Variants in LBHD2 observed in about 807,000 individuals in gnomAD.
The protein encoded by LBHD2 is LBH domain-containing protein 2.
intron 1 of LBHD2, among the ~76,000 whole-genome samples, 199 bp from the exon 2 acceptor site, chr14:103,085,777 C>T (rs1445188969): frequency 1.3e-5 from 2 of 152,242 alleles, no homozygotes; most frequent in Non-Finnish European, 2.9e-5. Flanking sequence ...TGCCCTCTTG[C>T]AGGCACACTG....
At chr14:103,087,298 C>T (rs1410108575) in intron 2 of LBHD2, among the ~76,000 whole-genome samples, 12 of 152,244 alleles carry the variant, frequency 7.9e-5, no homozygotes, top group Admixed American at 7.8e-4. Flanking sequence ...CTAAGTCCCC[C>T]CTGCTGCGTG....
At chr14:103,088,481 A>C (rs562538525) in intron 3 of LBHD2, among the ~76,000 whole-genome samples, 1 of 152,214 alleles carries the variant, frequency 6.6e-6, no homozygotes, top group South Asian at 2.1e-4. Flanking sequence ...ATCCACTCTC[A>C]GCCGCAGGCC....
At chr14:103,086,580 T>C (rs1231357985) in intron 2 of LBHD2, among the ~76,000 whole-genome samples, 1 of 152,084 alleles carries the variant, frequency 6.6e-6, no homozygotes, top group Admixed American at 6.5e-5. Flanking sequence ...TACTTAGCAC[T>C]CCTTCCTGAC....
chr14:103,084,581 C>T (rs1337642693), intron 1 of LBHD2, among the ~76,000 whole-genome samples: 2 of 152,172 alleles, frequency 1.3e-5, no homozygotes, highest in Non-Finnish European at 2.9e-5. Context: ...ACCCTGGCGC[C>T]GGGCAGGGCA....
chr14:103,085,330 G>A (rs1027199211), intron 1 of LBHD2, among the ~76,000 whole-genome samples: 1 of 152,182 alleles, frequency 6.6e-6, no homozygotes, highest in Non-Finnish European at 1.5e-5. Context: ...CACACGGCCC[G>A]AGCGCAGGTG....
intron 1 of LBHD2, among the ~76,000 whole-genome samples, chr14:103,084,804 T>C (rs1424901159): frequency 6.6e-6 from 1 of 152,202 alleles, no homozygotes; most frequent in Non-Finnish European, 1.5e-5. Context: ...CCTCTCCCTC[T>C]GCCTCCTTCC....
intron 3 of LBHD2, among the ~76,000 whole-genome samples, chr14:103,089,188 G>T (rs980130004): frequency 1.3e-5 from 2 of 152,154 alleles, no homozygotes; most frequent in Non-Finnish European, 1.5e-5. Flanking sequence ...AGACCCCTGG[G>T]AGTCTATTCC....
In LBHD2 at chr14:103,089,806, C is replaced by T. The variant is rs78951670; in HGVS notation, c.*9C>T. On this transcript the variant is annotated 3_prime_UTR_variant, in exon 4 of 4. Transcript: ENST00000634353. ...CCCCGGCCCGGGGATAGGACAAGGA[C>T]GTGGCTGGGCTCTGCTGTCTGACTG... is the stretch of plus-strand genomic sequence containing the variant. The T allele has an allele frequency of 1.4e-3, 568 of 398,620 alleles. 7 individuals carry two copies. The East Asian group carries it at 0.019, about 13-fold the overall frequency. 24.7% of individuals were successfully genotyped at this position (398,620 alleles called of 1,614,324 possible).
Position 103,089,814 on chromosome 14 carries a change from G to A in LBHD2, c.*17G>A, listed in dbSNP as rs1889688749. On this transcript the variant is annotated 3_prime_UTR_variant, in exon 4 of 4. Coordinates refer to ENST00000634353, the MANE Select transcript of LBHD2 (RefSeq NM_001330236.2). ...CGGGGATAGGACAAGGACGTGGCTG[G>A]GCTCTGCTGTCTGACTGCTGAGGGC... 6 of 398,598 alleles carry A rather than the reference G, an allele frequency of 1.5e-5. No individual in the cohort carries two copies. The East Asian group carries it at 1.8e-4, about 12-fold the overall frequency. 24.7% of individuals were successfully genotyped at this position (398,598 alleles called of 1,614,324 possible).
At chr14:103,089,669 C>T in intron 3 of LBHD2, 28 bp from the exon 4 acceptor site, 1 of 398,710 alleles carries the variant, frequency 2.5e-6, no homozygotes, top group Non-Finnish European at 4.4e-6. Flanking sequence ...CCCCGCCGAC[C>T]AACACGGCCG....
chr14:103,084,843 G>T (rs1008805500), intron 1 of LBHD2, among the ~76,000 whole-genome samples: 1 of 152,152 alleles, frequency 6.6e-6, no homozygotes, highest in Non-Finnish European at 1.5e-5. Flanking sequence ...TGTCCTGGCT[G>T]CCCTGGACTC....
At chr14:103,086,709 C>T (rs1428875002) in intron 2 of LBHD2, among the ~76,000 whole-genome samples, 2 of 143,886 alleles carry the variant, frequency 1.4e-5, no homozygotes, top group Non-Finnish European at 3.0e-5. Flanking sequence ...GCTGATGAAA[C>T]TAAAAAAAAA....
chr14:103,089,787 C>A lies in LBHD2; in HGVS notation c.317C>A (p.Ala106Asp). The change falls in exon 4 of 4, where the codon GCC becomes GAC. Residue 106 changes from alanine to aspartate, a missense_variant. By Grantham distance (126) the Ala-to-Asp change is moderately radical. Coordinates refer to ENST00000634353, the MANE Select transcript of LBHD2 (RefSeq NM_001330236.2). ...TGCTCCGAGGACCCAGCAGCCCCGGCCCGGGGATAGGACAAGGACGTGGCT... is the reference window on the plus strand; with the variant it reads ...TGCTCCGAGGACCCAGCAGCCCCGGACCGGGGATAGGACAAGGACGTGGCT... ...CACSEDPAAPARG is the reference protein window; with the variant it reads ...CACSEDPAAPDRG 7.5e-6 allele frequency: 3 copies of A among 398,634 alleles called. No individual in the cohort carries two copies. Among genetic ancestry groups the A allele is most frequent in the Non-Finnish European group, 1.3e-5 (3 of 226,060 alleles). 24.7% of individuals were successfully genotyped at this position (398,634 alleles called of 1,614,324 possible).
chr14:103,086,744 G>A (rs530847900), intron 2 of LBHD2, among the ~76,000 whole-genome samples: 2 of 151,998 alleles, frequency 1.3e-5, no homozygotes, highest in South Asian at 4.1e-4. Context: ...ACACAGGGTC[G>A]CAGCCTTAGT....
chr14:103,089,457 C>A (rs548291760), intron 3 of LBHD2, among the ~76,000 whole-genome samples: 1 of 152,140 alleles, frequency 6.6e-6, no homozygotes, highest in Non-Finnish European at 1.5e-5. Flanking sequence ...TGAGTCTGCC[C>A]TGGACTTCCC....
intron 2 of LBHD2, among the ~76,000 whole-genome samples, chr14:103,087,544 G>T (rs945064575): frequency 6.6e-6 from 1 of 152,224 alleles, no homozygotes; most frequent in Non-Finnish European, 1.5e-5. Flanking sequence ...TGAGGGCACC[G>T]GGAAGGCCTG....
chr14:103,088,546 G>A (rs1409939783), intron 3 of LBHD2, among the ~76,000 whole-genome samples: 2 of 152,342 alleles, frequency 1.3e-5, no homozygotes, highest in Middle Eastern at 6.8e-3. Flanking sequence ...CCACATTCTC[G>A]CCCCTCCTTA....
chr14:103,085,926 G>A lies in LBHD2; in HGVS notation c.-37-50G>A, dbSNP rs1595222351. Reference sequence around the variant, plus strand: ...CTTAGCACCTGAAGCCTTCGGGGGAGTGTGGATCCAGCATCAGGCCAACAG... The same window carrying A: ...CTTAGCACCTGAAGCCTTCGGGGGAATGTGGATCCAGCATCAGGCCAACAG... On this transcript the variant is annotated intron_variant, in intron 1 of 3. Transcript: ENST00000634353. The A allele has an allele frequency of 1.5e-5, 6 of 398,372 alleles. No individual in the cohort carries two copies. In the East Asian group the frequency reaches 2.1e-4, roughly 14 times the overall value. The allele number at this position is 398,372 out of a possible 1,614,324, so 24.7% of individuals were successfully genotyped here.
At chr14:103,084,593 G>C (rs1415669625) in intron 1 of LBHD2, among the ~76,000 whole-genome samples, 2 of 152,214 alleles carry the variant, frequency 1.3e-5, no homozygotes, top group African/African-American at 4.8e-5. Context: ...GGCAGGGCAA[G>C]GCAGCCCTTG....
Sources: allele counts gnomAD v4.1 joint callset (sites outside exome capture counted in the v4.1 genomes callset), GRCh38; gene constraint gnomAD v4.1.1; transcripts MANE v1.5; gene names NCBI Gene and HGNC (gene_info 2026-07-23, HGNC 2026-07-21).